The following COPB1 variants were observed in gnomAD, a reference collection of about 807,000 sequenced individuals.
COPB1 encodes coatomer subunit beta.
A neutral mutation model predicts 108.7 loss-of-function variants in COPB1; 21 were observed. The observed-to-expected ratio is 0.19, with a 90% CI of 0.14 to 0.28. The LOEUF is 0.28. Ranked by LOEUF, COPB1 falls within the 10% of genes least tolerant of loss-of-function variation. The pLI is 1.00. For missense variants in COPB1, 919 were observed against 1,141.3 expected (o/e 0.81, Z 2.81); for synonymous variants, 378 against 386.8 (o/e 0.98, Z 0.27).
chr11:14,498,207 G>C (rs1851069896), intron 2 of COPB1, among the ~76,000 whole-genome samples: 1 of 152,138 alleles, frequency 6.6e-6, no homozygotes. Context: ...ATGCTTGAAG[G>C]GATGGATACT....
At position 14,475,796 on chromosome 11, in the gene COPB1, T is replaced by C; in HGVS notation, c.1605A>G (p.Lys535=). The part of the protein sequence containing the change: ...SALSSSRPTK[K]EEDRPPLRGF... ...GTGCCATAAATTACCTGTCTTCCTCTTTCTTGGTGGGTCTAGAACTGCTAA... is the reference window on the plus strand; with the variant it reads ...GTGCCATAAATTACCTGTCTTCCTCCTTCTTGGTGGGTCTAGAACTGCTAA... Residue 535 remains lysine (K), a synonymous_variant, in exon 13 of 22, where the codon AAA becomes AAG. Coordinates refer to ENST00000439561, the MANE Select transcript of COPB1 (RefSeq NM_001144061.2). The C allele has an allele frequency of 1.9e-6, 3 of 1,571,686 alleles. No individual in the cohort carries two copies. Among genetic ancestry groups the C allele is most frequent in the Non-Finnish European group, 2.6e-6 (3 of 1,163,164 alleles).
chr11:14,466,722 A>G (rs1234926501), intron 16 of COPB1, among the ~76,000 whole-genome samples: 1 of 152,172 alleles, frequency 6.6e-6, no homozygotes, highest in Non-Finnish European at 1.5e-5. Context: ...AATGTTAAAT[A>G]TATTTAGCAA....
chr11:14,458,206 A>G (rs1281705355), intron 21 of COPB1, among the ~76,000 whole-genome samples: 1 of 149,684 alleles, frequency 6.7e-6, no homozygotes, highest in Non-Finnish European at 1.5e-5. Context: ...CAGCCTCCCG[A>G]GTAGCTGGGA....
At chr11:14,485,336 A>C (rs1348903194) in intron 7 of COPB1, among the ~76,000 whole-genome samples, 1 of 152,042 alleles carries the variant, frequency 6.6e-6, no homozygotes, top group East Asian at 1.9e-4. Context: ...CTAATTAAAA[A>C]AAAAAGGTTC....
At chr11:14,490,813 A>T (rs1043730300) in intron 4 of COPB1, 134 bp from the exon 5 acceptor site, 39 of 568,366 alleles carry the variant, frequency 6.9e-5, no homozygotes, top group African/African-American at 4.7e-4. Context: ...TTTTGGAGAC[A>T]GAGTCTCACT....
intron 10 of COPB1, among the ~76,000 whole-genome samples, chr11:14,480,257 T>C (rs951567237): frequency 2.6e-5 from 4 of 152,188 alleles, no homozygotes; most frequent in African/African-American, 9.6e-5. Context: ...GATCCAAAAC[T>C]CCAAATAAAT....
intron 6 of COPB1, 130 bp downstream of exon 6, chr11:14,488,362 T>C (rs112451907): frequency 6.9e-6 from 3 of 435,074 alleles, no homozygotes; most frequent in East Asian, 3.6e-5. Flanking sequence ...AAGGCTTTAA[T>C]AGGCTATGCT....
intron 8 of COPB1, 26 bp downstream of exon 8, chr11:14,483,006 A>C: frequency 6.6e-7 from 1 of 1,512,928 alleles, no homozygotes; most frequent in Non-Finnish European, 8.9e-7. Flanking sequence ...TTTATTTAGG[A>C]TCTCTCTTTT....
Position 14,475,802 on chromosome 11 carries a change from G to C in COPB1, c.1599C>G (p.Thr533=), listed in dbSNP as rs1565016980. 1 of 1,576,978 alleles carries C rather than the reference G, an allele frequency of 6.3e-7. No individual in the cohort carries two copies. The highest frequency in any genetic ancestry group is 8.6e-7 in the Non-Finnish European group (1 of 1,165,626). Reference sequence around the variant, plus strand: ...TAAATTACCTGTCTTCCTCTTTCTTGGTGGGTCTAGAACTGCTAAGGGCAC... The same window carrying C: ...TAAATTACCTGTCTTCCTCTTTCTTCGTGGGTCTAGAACTGCTAAGGGCAC... ...TQSALSSSRP[T]KKEEDRPPLR... The change falls in exon 13 of 22, where the codon ACC becomes ACG. Residue 533 remains threonine (T), a synonymous_variant. Coordinates refer to ENST00000439561, the MANE Select transcript of COPB1 (RefSeq NM_001144061.2).
intron 7 of COPB1, among the ~76,000 whole-genome samples, chr11:14,483,473 A>G (rs1850706369): frequency 6.6e-6 from 1 of 152,208 alleles, no homozygotes; most frequent in Non-Finnish European, 1.5e-5. Context: ...CTAAGGAACA[A>G]GCCAGAAAAA....
Position 14,460,524 on chromosome 11 carries a change from C to CT in COPB1, c.2557-228dup, listed in dbSNP as rs570808347. 4.0e-3 allele frequency among the ~76,000 whole-genome samples: 589 copies of CT among 146,714 alleles called. 3 individuals carry two copies. The highest frequency in any genetic ancestry group is 6.7e-3 in the African/African-American group (270 of 40,200). ...TCAATATGAAGCATATAGAATATTT[C>CT]TTTTTTTTTTTGAGACAGGGTCTCA... On this transcript the variant is annotated intron_variant, in intron 19 of 21. Coordinates refer to ENST00000439561, the MANE Select transcript of COPB1 (RefSeq NM_001144061.2).
intron 6 of COPB1, among the ~76,000 whole-genome samples, chr11:14,487,013 A>C (rs1850789387): frequency 6.6e-6 from 1 of 152,190 alleles, no homozygotes; most frequent in Non-Finnish European, 1.5e-5. Context: ...GGATGATATA[A>C]ATCTCAATAG....
chr11:14,491,590 A>C (rs1192958670), intron 4 of COPB1, among the ~76,000 whole-genome samples: 1 of 151,374 alleles, frequency 6.6e-6, no homozygotes, highest in Non-Finnish European at 1.5e-5. Context: ...AATTGCTTGA[A>C]CCTGGGAGGT....
intron 11 of COPB1, among the ~76,000 whole-genome samples, chr11:14,479,221 T>G (rs1442434855): frequency 6.6e-6 from 1 of 152,200 alleles, no homozygotes; most frequent in Admixed American, 6.5e-5. Context: ...AGATTTAGGT[T>G]GCATTTTCAA....
At chr11:14,469,169 A>AT (rs377609093) in intron 15 of COPB1, among the ~76,000 whole-genome samples, 167 bp downstream of exon 15, 112 of 151,668 alleles carry the variant, frequency 7.4e-4, no homozygotes, top group Middle Eastern at 3.4e-3. Context: ...TAATTTTCTC[A>AT]TTTTTTTTGT....
chr11:14,458,761 G>A, intron 20 of COPB1, 74 bp from the exon 21 acceptor site: 1 of 1,237,854 alleles, frequency 8.1e-7, no homozygotes, highest in Non-Finnish European at 1.1e-6. Context: ...CAGCATAGGT[G>A]ACTTTTTTTT....
chr11:14,468,897 G>T, intron 15 of COPB1, 37 bp from the exon 16 acceptor site: 1 of 1,558,716 alleles, frequency 6.4e-7, no homozygotes, highest in Non-Finnish European at 8.7e-7. Context: ...TCTTTAATAT[G>T]AAAAGATAGT....
chr11:14,476,031 A>G, intron 12 of COPB1, 86 bp from the exon 13 acceptor site: 1 of 1,243,988 alleles, frequency 8.0e-7, no homozygotes, highest in South Asian at 1.6e-5. Flanking sequence ...TTCTCTAAAA[A>G]AGGCATTACC....
chr11:14,487,728 T>C (rs923426538), intron 6 of COPB1, among the ~76,000 whole-genome samples: 4 of 152,210 alleles, frequency 2.6e-5, no homozygotes, highest in Non-Finnish European at 4.4e-5. Flanking sequence ...CAGTAAGTCT[T>C]GGTTTCATCT....
Sources: allele counts gnomAD v4.1 joint callset (sites outside exome capture counted in the v4.1 genomes callset), GRCh38; gene constraint gnomAD v4.1.1; transcripts MANE v1.5; gene names NCBI Gene and HGNC (gene_info 2026-07-23, HGNC 2026-07-21).